NDUFAF2: variants seen among roughly 807,000 people sequenced by gnomAD.
NDUFAF2 encodes NADH:ubiquinone oxidoreductase complex assembly factor 2.
A neutral mutation model predicts 22.8 loss-of-function variants in NDUFAF2; 13 were observed. The ratio of observed to expected loss-of-function variants is 0.57; its 90% CI spans 0.37 to 0.91. NDUFAF2 has a LOEUF of 0.91. NDUFAF2 is among the 40% of genes least tolerant of loss of function. NDUFAF2 has a pLI of 0.01. For missense variants in NDUFAF2, 162 were observed against 195.2 expected (o/e 0.83, Z 1.01); for synonymous variants, 53 against 64.2 (o/e 0.83, Z 0.84).
intron 1 of NDUFAF2, among the ~76,000 whole-genome samples, chr5:60,995,570 G>A (rs1037461012): frequency 6.6e-6 from 1 of 152,180 alleles, no homozygotes; most frequent in South Asian, 2.1e-4. Flanking sequence ...TAAAGCCAGG[G>A]GTGAAGTGCA....
At chr5:61,138,289 A>G (rs537241472) in intron 3 of NDUFAF2, among the ~76,000 whole-genome samples, 1 of 152,336 alleles carries the variant, frequency 6.6e-6, no homozygotes, top group East Asian at 1.9e-4. Flanking sequence ...AAGAAATGCT[A>G]TTGGCCATAG....
intron 3 of NDUFAF2, among the ~76,000 whole-genome samples, chr5:61,117,422 C>A (rs931842108): frequency 2.6e-5 from 4 of 152,180 alleles, no homozygotes; most frequent in Non-Finnish European, 5.9e-5. Flanking sequence ...GTGGCACTGT[C>A]ATAGCTTACT....
At position 61,069,981 on chromosome 5, in the gene NDUFAF2, C is replaced by T. The variant is rs533496359; in HGVS notation, c.128-3144C>T. On this transcript the variant is annotated intron_variant, in intron 1 of 3. Transcript: ENST00000296597. Reference sequence around the variant, plus strand: ...TTGACCATTACTACCTTCCTGAATTCAAACCCTGTGTTTCAATTAAATATA... The same window carrying T: ...TTGACCATTACTACCTTCCTGAATTTAAACCCTGTGTTTCAATTAAATATA... 4.6e-5 allele frequency among the ~76,000 whole-genome samples: 7 copies of T among 152,096 alleles called. No individual in the cohort carries two copies. In the South Asian group the frequency reaches 1.5e-3, roughly 32 times the overall value.
At chr5:61,009,200 G>A (rs162229) in intron 1 of NDUFAF2, among the ~76,000 whole-genome samples, 21,096 of 152,096 alleles carry the variant, frequency 0.14, 1,818 homozygotes, top group South Asian at 0.28. Context: ...TATTTTAGGT[G>A]TTATAAGTTA....
At chr5:61,076,570 AAATT>A (rs1301534155) in intron 2 of NDUFAF2, among the ~76,000 whole-genome samples, 1 of 152,208 alleles carries the variant, frequency 6.6e-6, no homozygotes, top group African/African-American at 2.4e-5. Context: ...AATGAGAGAG[AAATT>A]AATAGATAAG....
intron 1 of NDUFAF2, among the ~76,000 whole-genome samples, chr5:61,004,062 C>G (rs1309634553): frequency 6.6e-6 from 1 of 151,988 alleles, no homozygotes; most frequent in Non-Finnish European, 1.5e-5. Context: ...TAATAACGAC[C>G]ACTGCTTACT....
intron 2 of NDUFAF2, among the ~76,000 whole-genome samples, chr5:61,080,004 T>C (rs1252028789): frequency 6.6e-6 from 1 of 152,176 alleles, no homozygotes. Context: ...TTGAAGATTG[T>C]TGTTTTATGT....
chr5:61,150,628 A>G (rs1487629742), intron 3 of NDUFAF2, among the ~76,000 whole-genome samples: 1 of 152,170 alleles, frequency 6.6e-6, no homozygotes, highest in Non-Finnish European at 1.5e-5. Flanking sequence ...GACATAAATA[A>G]AGTAGGCAGG....
Position 61,046,019 on chromosome 5 carries a change from G to A in NDUFAF2, c.128-27106G>A, listed in dbSNP as rs77481807. 2.7e-3 allele frequency among the ~76,000 whole-genome samples: 410 copies of A among 152,110 alleles called. 4 individuals carry two copies. The highest frequency in any genetic ancestry group is 9.3e-3 in the South Asian group (45 of 4,816). ...GTCTAATTTGTTGAGAGTTTTTATC[G>A]TGAAAGCATGTTGAATTGTGTCAAA... is the stretch of plus-strand genomic sequence containing the variant. On this transcript the variant is annotated intron_variant, in intron 1 of 3. Transcript: ENST00000296597.
chr5:60,981,636 A>T (rs577083918), intron 1 of NDUFAF2, among the ~76,000 whole-genome samples: 1 of 152,332 alleles, frequency 6.6e-6, no homozygotes, highest in African/African-American at 2.4e-5. Flanking sequence ...ATTTTTTAAG[A>T]CATAGTACAA....
chr5:61,136,843 T>C (rs997973252), intron 3 of NDUFAF2, among the ~76,000 whole-genome samples: 1 of 152,136 alleles, frequency 6.6e-6, no homozygotes, highest in Non-Finnish European at 1.5e-5. Flanking sequence ...TATCCACCAA[T>C]TTCTCACTAA....
chr5:61,027,298 C>CTTT (rs150340157), intron 1 of NDUFAF2, among the ~76,000 whole-genome samples: 1 of 136,050 alleles, frequency 7.4e-6, no homozygotes, highest in Non-Finnish European at 1.6e-5. Context: ...TACACGTGGA[C>CTTT]TTTTTTTTTT....
At chr5:61,027,576 G>A (rs928172779) in intron 1 of NDUFAF2, among the ~76,000 whole-genome samples, 6 of 151,870 alleles carry the variant, frequency 4.0e-5, no homozygotes, top group African/African-American at 9.7e-5. Flanking sequence ...TTGGAAAAAC[G>A]ATTTTCTCAT....
chr5:61,132,417 A>G (rs916657585), intron 3 of NDUFAF2, among the ~76,000 whole-genome samples: 1 of 151,764 alleles, frequency 6.6e-6, no homozygotes, highest in Admixed American at 6.6e-5. Flanking sequence ...ACCTCCTTTG[A>G]GAATTCTCAC....
At chr5:60,983,251 GT>G (rs1475495842) in intron 1 of NDUFAF2, among the ~76,000 whole-genome samples, 1 of 124,634 alleles carries the variant, frequency 8.0e-6, no homozygotes, top group Non-Finnish European at 1.7e-5. Context: ...GGGGTTGTTT[GT>G]TTTTTTCTTG....
chr5:61,049,535 C>G (rs1300390145), intron 1 of NDUFAF2, among the ~76,000 whole-genome samples: 3 of 152,008 alleles, frequency 2.0e-5, no homozygotes, highest in Non-Finnish European at 4.4e-5. Context: ...ATTGTTCAAC[C>G]AATCTCCAGA....
At chr5:61,018,213 G>T (rs1289910934) in intron 1 of NDUFAF2, among the ~76,000 whole-genome samples, 1 of 152,150 alleles carries the variant, frequency 6.6e-6, no homozygotes, top group Non-Finnish European at 1.5e-5. Flanking sequence ...GCTACCGGGT[G>T]TGTCTTCCTA....
chr5:61,032,823 C>T (rs967852143), intron 1 of NDUFAF2, among the ~76,000 whole-genome samples: 2 of 152,086 alleles, frequency 1.3e-5, no homozygotes, highest in Non-Finnish European at 2.9e-5. Context: ...GACACTACTG[C>T]CCATTAATGG....
chr5:61,004,917 ATTC>A (rs992155765), intron 1 of NDUFAF2, among the ~76,000 whole-genome samples: 20 of 147,988 alleles, frequency 1.4e-4, no homozygotes, highest in African/African-American at 4.7e-4. Context: ...TTGTAAATTT[ATTC>A]TTTTTTATTT....
Sources: allele counts gnomAD v4.1 joint callset (sites outside exome capture counted in the v4.1 genomes callset), GRCh38; gene constraint gnomAD v4.1.1; transcripts MANE v1.5; gene names NCBI Gene and HGNC (gene_info 2026-07-23, HGNC 2026-07-21).